The following SLC16A8 variants were observed in gnomAD, a reference collection of about 807,000 sequenced individuals.
The protein encoded by SLC16A8 is solute carrier family 16 member 8.
SLC16A8 carries 20 observed loss-of-function variants against 22.4 expected under a neutral mutation model. That is an observed-to-expected ratio of 0.89 (90% CI 0.63 to 1.30). SLC16A8 has a LOEUF of 1.30. SLC16A8 is among the 50% of genes most tolerant of loss of function. The pLI is 0.00. For missense variants in SLC16A8, 817 were observed against 740.3 expected, an observed-to-expected ratio of 1.10 and a Z score of -1.20; for synonymous variants, 393 against 358.8, an observed-to-expected ratio of 1.10 and a Z score of -1.08.
chr22:38,080,723 A>G (rs953245403), intron 5 of SLC16A8, 117 bp downstream of exon 5: 15 of 1,353,352 alleles, frequency 1.1e-5, no homozygotes, highest in Non-Finnish European at 1.4e-5. Flanking sequence ...AGGGGAGTCC[A>G]CCCACCCGAC....
chr22:38,081,687 C>A lies in SLC16A8; in HGVS notation c.359-8G>T. 1 of 1,501,210 alleles carries A rather than the reference C, an allele frequency of 6.7e-7. No individual in the cohort carries two copies. The allele number at this position is 1,501,210 out of a possible 1,614,324, so 93.0% of individuals were successfully genotyped here. On this transcript the variant is annotated splice_region_variant and splice_polypyrimidine_tract_variant and intron_variant, in intron 4 of 5. Coordinates refer to ENST00000681075, the MANE Select transcript of SLC16A8 (RefSeq NM_013356.3). Reference sequence around the variant, plus strand: ...TGAGGGCCAGGCCCAGGCCTGCGGGCGAGGCGGTGCTGTGCCGGGGTCCCC... The same window carrying A: ...TGAGGGCCAGGCCCAGGCCTGCGGGAGAGGCGGTGCTGTGCCGGGGTCCCC...
Position 38,081,511 on chromosome 22 carries a change from C to A in SLC16A8, c.527G>T (p.Gly176Val). The A allele has an allele frequency of 1.4e-6, 2 of 1,417,460 alleles. No homozygotes were observed. Among genetic ancestry groups the A allele is most frequent in the Non-Finnish European group, 1.8e-6 (2 of 1,099,026 alleles). The allele number at this position is 1,417,460 out of a possible 1,614,324, so 87.8% of individuals were successfully genotyped here. A position where few individuals can be genotyped will look rare whatever the true frequency, so the allele number is the denominator to read the frequency against. The change falls in exon 5 of 6, where the codon GGC (glycine) becomes GTC (valine). Residue 176 changes from glycine (G) to valine (V), a missense_variant. Coordinates refer to ENST00000681075, the MANE Select transcript of SLC16A8 (RefSeq NM_013356.3). ...CAGGAGCCCGCCGAGCAGCAGGAAG[C>A]CGCCGCGCCAGCCGAAGCGCTCCAG... is the stretch of plus-strand genomic sequence containing the variant. ...QLLERFGWRGGFLLLGGLLLH... is the reference protein window; with the variant it reads ...QLLERFGWRGVFLLLGGLLLH...
In SLC16A8 at chr22:38,082,939, G is replaced by A; in HGVS notation, c.-8-58C>T. 6.4e-6 allele frequency: 7 copies of A among 1,101,120 alleles called. No homozygotes were observed. In the South Asian group the frequency reaches 9.0e-5, roughly 14 times the overall value. 68.2% of individuals were successfully genotyped at this position (1,101,120 alleles called of 1,614,324 possible). On this transcript the variant is annotated intron_variant, in intron 2 of 5. Coordinates refer to ENST00000681075, the MANE Select transcript of SLC16A8 (RefSeq NM_013356.3). The stretch of plus-strand genomic sequence containing the variant: ...GCTGGGCCAGCAGCCTAGAGAAGGA[G>A]GGGGATGGAGACGAAGCATGGGGAA...
In SLC16A8 at chr22:38,080,955, G is replaced by T; in HGVS notation, c.1083C>A (p.Gly361=). ...CCATGAGCACCTCGAACTGCAGCGC[G>T]CCCACCATGCCGTAGGAGAGGCCGA... ...VAFGLSYGMV[G]ALQFEVLMAA... The change falls in exon 5 of 6, where the codon GGC becomes GGA. Residue 361 remains glycine, a synonymous_variant. Transcript: ENST00000681075. 6 of 1,592,048 alleles carry T rather than the reference G, an allele frequency of 3.8e-6. No individual in the cohort carries two copies. The highest frequency in any genetic ancestry group is 1.3e-5 in the African/African-American group (1 of 74,962).
chr22:38,082,767 G>T lies in SLC16A8; in HGVS notation c.107C>A (p.Pro36His). 6.3e-7 allele frequency: 1 copy of T among 1,596,222 alleles called. No individual in the cohort carries two copies. Reference sequence around the variant, plus strand: ...GCGGAAGAAGACGCTCACGGCTTTGGGGAAGCCGTAGGCGAAGCCGGTGAC... The same window carrying T: ...GCGGAAGAAGACGCTCACGGCTTTGTGGAAGCCGTAGGCGAAGCCGGTGAC... ...FVVTGFAYGF[P>H]KAVSVFFRAL... Residue 36 changes from proline to histidine, a missense_variant, in exon 3 of 6, where the codon CCC becomes CAC. Transcript: ENST00000681075.
In SLC16A8 at chr22:38,082,785, C is replaced by A; in HGVS notation, c.89G>T (p.Gly30Val). The stretch of plus-strand genomic sequence containing the variant: ...GGCTTTGGGGAAGCCGTAGGCGAAG[C>A]CGGTGACCACAAAGCAGGCGCCCAG... ...VVLGACFVVT[G>V]FAYGFPKAVS... is the part of the protein sequence containing the mutation. The change falls in exon 3 of 6, where the codon GGC becomes GTC. Residue 30 changes from glycine (G) to valine (V), a missense_variant. Coordinates refer to ENST00000681075, the MANE Select transcript of SLC16A8 (RefSeq NM_013356.3). 1 of 1,596,288 alleles carries A rather than the reference C, an allele frequency of 6.3e-7. No individual in the cohort carries two copies. Among genetic ancestry groups the A allele is most frequent in the South Asian group, 1.1e-5 (1 of 89,296 alleles).
Position 38,080,947 on chromosome 22 carries a change from T to G in SLC16A8, c.1091A>C (p.Gln364Pro). 3 of 1,589,504 alleles carry G rather than the reference T, an allele frequency of 1.9e-6. No individual in the cohort carries two copies. The highest frequency in any genetic ancestry group is 1.1e-5 in the South Asian group (1 of 88,472). Residue 364 changes from glutamine (Q) to proline (P), a missense_variant, in exon 5 of 6, where the codon CAG (glutamine) becomes CCG (proline). Gln to Pro is a moderately conservative substitution (Grantham distance 76, BLOSUM62 -1). Coordinates refer to ENST00000681075, the MANE Select transcript of SLC16A8 (RefSeq NM_013356.3). Reference sequence around the variant, plus strand: ...CACAGCCGCCATGAGCACCTCGAACTGCAGCGCGCCCACCATGCCGTAGGA... The same window carrying G: ...CACAGCCGCCATGAGCACCTCGAACGGCAGCGCGCCCACCATGCCGTAGGA... ...GLSYGMVGAL[Q>P]FEVLMAAVGA...
rs1027676342 is a variant in SLC16A8, at chr22:38,078,177, C to T, written c.*211G>A. On this transcript the variant is annotated 3_prime_UTR_variant, in exon 6 of 6. Coordinates refer to ENST00000681075, the MANE Select transcript of SLC16A8 (RefSeq NM_013356.3). ...CTTTATCACCAGTTTCCTGTTGCTC[C>T]ATAGCAGCTTCACTGGCGATGGGGC... The T allele has an allele frequency of 2.0e-5, 11 of 561,206 alleles. No homozygotes were observed. The highest frequency in any genetic ancestry group is 3.2e-5 in the Non-Finnish European group (10 of 314,856). 34.8% of individuals were successfully genotyped at this position (561,206 alleles called of 1,614,324 possible).
chr22:38,081,443 C>T lies in SLC16A8; in HGVS notation c.595G>A (p.Gly199Arg), dbSNP rs1192652086. 2 of 1,286,214 alleles carry T rather than the reference C, an allele frequency of 1.6e-6. No individual in the cohort carries two copies. Among genetic ancestry groups the T allele is most frequent in the African/African-American group, 1.6e-5 (1 of 64,078 alleles). 79.7% of individuals were successfully genotyped at this position (1,286,214 alleles called of 1,614,324 possible). A position where few individuals can be genotyped will look rare whatever the true frequency, so the allele number is the denominator to read the frequency against. The change falls in exon 5 of 6, where the codon GGG becomes AGG. Residue 199 changes from glycine to arginine, a missense_variant. Physicochemically the swap from Gly to Arg is moderately radical, Grantham distance 125. Coordinates refer to ENST00000681075, the MANE Select transcript of SLC16A8 (RefSeq NM_013356.3). ...TCCCTGCGCGGTCGCGGGCCCGGCC[C>T]GGGCGGCGGCCTCATGACAGCCCCG... is the stretch of plus-strand genomic sequence containing the variant. ...ACGAVMRPPP[G>R]PGPRPRRDSA... is the part of the protein sequence containing the mutation.
At chr22:38,080,547 C>T (rs529669155) in intron 5 of SLC16A8, among the ~76,000 whole-genome samples, 2 of 152,320 alleles carry the variant, frequency 1.3e-5, no homozygotes, top group South Asian at 2.1e-4. Context: ...TCCTCATCTG[C>T]AAAATGAGAA....
rs544658870 is a variant in SLC16A8 at position 38,079,988 on chromosome 22, C to T, written c.1198+852G>A. On this transcript the variant is annotated intron_variant, in intron 5 of 5. Coordinates refer to ENST00000681075, the MANE Select transcript of SLC16A8 (RefSeq NM_013356.3). The stretch of plus-strand genomic sequence containing the variant: ...GATTAGCCCAGCCCTGAAGGAAGGA[C>T]GAGCAGCTCACCCCATCTCAGTGCA... Among the ~76,000 whole-genome samples the T allele has an allele frequency of 7.9e-5, 12 of 152,348 alleles. No homozygotes were observed. The South Asian group carries it at 1.7e-3, about 21-fold the overall frequency.
chr22:38,081,905 G>A lies in SLC16A8; in HGVS notation c.342C>T (p.Thr114=). The A allele has an allele frequency of 6.3e-7, 1 of 1,591,706 alleles. No individual in the cohort carries two copies. The highest frequency in any genetic ancestry group is 8.5e-7 in the Non-Finnish European group (1 of 1,169,780). The change falls in exon 4 of 6, where the codon ACC becomes ACT. Residue 114 remains threonine, a synonymous_variant. Transcript: ENST00000681075. Reference sequence around the variant, plus strand: ...GGCCCTCACCTGTGAGCACCCCAGCGGTCAGGTAGAGCTCCAGGAGGCGCG... The same window carrying A: ...GGCCCTCACCTGTGAGCACCCCAGCAGTCAGGTAGAGCTCCAGGAGGCGCG... The part of the protein sequence containing the change: ...FATRLLELYL[T]AGVLTGLGLA...
rs1443192477 is a variant in SLC16A8, at chr22:38,083,701, C to A, written c.-329+287G>T. On this transcript the variant is annotated intron_variant, in intron 1 of 5. Transcript: ENST00000681075. ...CCTGTCTCATTCCTGGGGCTCCACCCGGGGCCCTCACAGCAGTTACAAGCG... is the reference window on the plus strand; with the variant it reads ...CCTGTCTCATTCCTGGGGCTCCACCAGGGGCCCTCACAGCAGTTACAAGCG... Among the ~76,000 whole-genome samples the A allele has an allele frequency of 3.8e-5, 5 of 131,016 alleles. No homozygotes were observed. The East Asian group carries it at 8.3e-4, about 22-fold the overall frequency. 86.0% of individuals were successfully genotyped at this position (131,016 alleles called of 152,430 possible).
At position 38,081,133 on chromosome 22, in the gene SLC16A8, G is replaced by A; in HGVS notation, c.905C>T (p.Ala302Val). Residue 302 changes from alanine (A) to valine (V), a missense_variant, in exon 5 of 6, where the codon GCG (alanine) becomes GTG (valine). Coordinates refer to ENST00000681075, the MANE Select transcript of SLC16A8 (RefSeq NM_013356.3). Reference protein sequence around the residue: ...LSIVGFVDIVARPACGALAGL... With the variant: ...LSIVGFVDIVVRPACGALAGL... ...CGCCAGGGCGCCGCACGCCGGGCGC[G>A]CCACGATGTCCACGAAGCCCACGAT... The A allele has an allele frequency of 1.9e-6, 3 of 1,543,940 alleles. No individual in the cohort carries two copies. Among genetic ancestry groups the A allele is most frequent in the South Asian group, 1.2e-5 (1 of 83,648 alleles).
chr22:38,079,109 TC>T (rs1370923470), intron 5 of SLC16A8, among the ~76,000 whole-genome samples: 2 of 152,176 alleles, frequency 1.3e-5, no homozygotes, highest in Non-Finnish European at 2.9e-5. Context: ...GCCCTGGTCC[TC>T]AGGGGCTTGG....
rs1187504448 is a variant in SLC16A8 at position 38,083,972 on chromosome 22, C to T, written c.-329+16G>A. 6.6e-6 allele frequency: 1 copy of T among 152,282 alleles called. No individual in the cohort carries two copies. Among genetic ancestry groups the T allele is most frequent in the Non-Finnish European group, 1.5e-5 (1 of 68,090 alleles). 9.4% of individuals were successfully genotyped at this position (152,282 alleles called of 1,614,324 possible). ...GACAGGAGGGTGATCCCAGGCAGCC[C>T]TCACATCACACTCACCTGAGCCTGC... On this transcript the variant is annotated intron_variant, in intron 1 of 5. Coordinates refer to ENST00000681075, the MANE Select transcript of SLC16A8 (RefSeq NM_013356.3).
rs761167954 is a variant in SLC16A8 at position 38,078,648 on chromosome 22, C to T, written c.1255G>A (p.Glu419Lys). The T allele has an allele frequency of 6.2e-7, 1 of 1,613,602 alleles. No individual in the cohort carries two copies. Among genetic ancestry groups the T allele is most frequent in the African/African-American group, 1.3e-5 (1 of 74,928 alleles). ...YEIIFYLAGS[E>K]VALAGVFMAV... ...ATGAAGACCCCAGCCAGGGCCACCT[C>T]AGAGCCGGCCAGGTAGAAGATGATC... The change falls in exon 6 of 6, where the codon GAG becomes AAG. Residue 419 changes from glutamate to lysine, a missense_variant. Transcript: ENST00000681075.
chr22:38,080,807 A>G, intron 5 of SLC16A8, 33 bp downstream of exon 5: 2 of 1,460,854 alleles, frequency 1.4e-6, no homozygotes, highest in African/African-American at 2.8e-5. Flanking sequence ...AAGGGGCACT[A>G]GGCTCGCCAC....
At position 38,082,034 on chromosome 22, in the gene SLC16A8, T is replaced by C. The variant is rs867426158; in HGVS notation, c.215-2A>G. 1 of 1,576,598 alleles carries C rather than the reference T, an allele frequency of 6.3e-7. No individual in the cohort carries two copies. Among genetic ancestry groups the C allele is most frequent in the East Asian group, 2.3e-5 (1 of 42,818 alleles). Reference sequence around the variant, plus strand: ...TCACGAGGATGCTGGACACGGGGCCTGTGGGCAGGGCAGGGTCACCACCCG... The same window carrying C: ...TCACGAGGATGCTGGACACGGGGCCCGTGGGCAGGGCAGGGTCACCACCCG... On this transcript the variant is annotated splice_acceptor_variant, in intron 3 of 5. Coordinates refer to ENST00000681075, the MANE Select transcript of SLC16A8 (RefSeq NM_013356.3). LOFTEE classifies it high-confidence loss of function.
Sources: gnomAD v4.1 joint callset for allele counts (sites outside exome capture counted in the v4.1 genomes callset) on GRCh38, gnomAD v4.1.1 for gene constraint, MANE v1.5 for transcripts, NCBI Gene and HGNC (gene_info 2026-07-23, HGNC 2026-07-21) for gene names.